The following CPED1 variants were observed in gnomAD, a reference collection of about 807,000 sequenced individuals.
CPED1 encodes the protein cadherin like and PC-esterase domain containing 1, also known as cadherin-like and PC-esterase domain-containing protein 1.
A neutral mutation model predicts 128.2 loss-of-function variants in CPED1; 114 were observed. That is an observed-to-expected ratio of 0.89 (90% CI 0.76 to 1.04). The LOEUF (loss-of-function observed/expected upper bound fraction) is 1.04. Ranked by LOEUF, CPED1 falls within the 50% of genes least tolerant of loss-of-function variation. The pLI is 0.00. For synonymous variants in CPED1, 462 were observed against 426.7 expected, an observed-to-expected ratio of 1.08 and a Z score of -1.02; for missense variants, 1,211 against 1,207.1, an observed-to-expected ratio of 1.00 and a Z score of -0.05.
chr7:121,138,224 G>T (rs1048835428), intron 14 of CPED1, among the ~76,000 whole-genome samples: 1 of 151,968 alleles, frequency 6.6e-6, no homozygotes, highest in Non-Finnish European at 1.5e-5. Flanking sequence ...ATCAAATTCT[G>T]CAGTTAAAAG....
chr7:121,048,260 C>T (rs772451300), intron 4 of CPED1, among the ~76,000 whole-genome samples: 33 of 152,316 alleles, frequency 2.2e-4, no homozygotes, highest in Middle Eastern at 3.4e-3. Flanking sequence ...GTCCCACAGA[C>T]ATATCAAACT....
chr7:121,067,965 G>GT (rs914040402), intron 5 of CPED1, among the ~76,000 whole-genome samples: 33 of 152,134 alleles, frequency 2.2e-4, no homozygotes, highest in African/African-American at 7.7e-4. Context: ...GGGGTTGTTT[G>GT]TTTTTTTCTT....
intron 7 of CPED1, among the ~76,000 whole-genome samples, chr7:121,103,361 G>C (rs886909413): frequency 6.6e-6 from 1 of 152,128 alleles, no homozygotes; most frequent in African/African-American, 2.4e-5. Context: ...TGGAGAAAGT[G>C]ATTGTTTCCT....
intron 18 of CPED1, among the ~76,000 whole-genome samples, chr7:121,245,218 C>A (rs1798498203): frequency 6.6e-6 from 1 of 152,104 alleles, no homozygotes; most frequent in African/African-American, 2.4e-5. Context: ...AGCTGAGGGG[C>A]AGGACAGAAA....
intron 5 of CPED1, among the ~76,000 whole-genome samples, chr7:121,087,564 T>C (rs1240973809): frequency 6.6e-6 from 1 of 152,140 alleles, no homozygotes; most frequent in East Asian, 1.9e-4. Flanking sequence ...TCTCTACTAC[T>C]TACAATTCAA....
intron 5 of CPED1, among the ~76,000 whole-genome samples, chr7:121,096,380 G>T (rs1003137846): frequency 2.0e-5 from 3 of 152,074 alleles, no homozygotes; most frequent in African/African-American, 7.2e-5. Flanking sequence ...TAAAGGCTTT[G>T]TTCTATTTTG....
chr7:121,031,011 A>G (rs1792715140), intron 3 of CPED1, among the ~76,000 whole-genome samples: 1 of 152,220 alleles, frequency 6.6e-6, no homozygotes, highest in African/African-American at 2.4e-5. Flanking sequence ...GGTGGAGTTG[A>G]CGCTTGACCC....
intron 3 of CPED1, among the ~76,000 whole-genome samples, chr7:121,041,507 G>T (rs1443556907): frequency 6.6e-6 from 1 of 152,054 alleles, no homozygotes; most frequent in East Asian, 1.9e-4. Context: ...GTCCTTCCTT[G>T]AGAATAAACA....
chr7:121,295,325 T>A, intron 22 of CPED1, 115 bp from the exon 23 acceptor site: 1 of 1,257,876 alleles, frequency 7.9e-7, no homozygotes. Flanking sequence ...GTCATAGTCA[T>A]GCCCTTTTAG....
At chr7:121,184,464 A>G (rs770511608) in intron 16 of CPED1, among the ~76,000 whole-genome samples, 57 of 152,206 alleles carry the variant, frequency 3.7e-4, no homozygotes, top group Non-Finnish European at 3.5e-4. Context: ...CACCACACCT[A>G]TCAAAAGCCA....
chr7:121,063,445 C>T (rs957094249), intron 4 of CPED1, among the ~76,000 whole-genome samples: 23 of 150,506 alleles, frequency 1.5e-4, no homozygotes, highest in Non-Finnish European at 3.1e-4. Flanking sequence ...AGCTACCACC[C>T]CTGTTTCCAG....
chr7:121,280,145 C>A (rs1002298726), intron 22 of CPED1, among the ~76,000 whole-genome samples: 1 of 152,034 alleles, frequency 6.6e-6, no homozygotes, highest in Non-Finnish European at 1.5e-5. Flanking sequence ...TGTTAACGTC[C>A]AATAGATTCC....
intron 16 of CPED1, among the ~76,000 whole-genome samples, chr7:121,196,498 G>A (rs1402872506): frequency 6.6e-6 from 1 of 152,120 alleles, no homozygotes; most frequent in East Asian, 1.9e-4. Flanking sequence ...CTTAGTTAGA[G>A]ACCATTATAG....
intron 16 of CPED1, among the ~76,000 whole-genome samples, chr7:121,150,759 ATTATTAT>A (rs1563046601): frequency 1.9e-5 from 2 of 106,458 alleles, no homozygotes; most frequent in Non-Finnish European, 4.0e-5. Flanking sequence ...AAACATTATT[ATTATTAT>A]TATTATTATT....
chr7:121,190,170 T>C (rs1315178459), intron 16 of CPED1, among the ~76,000 whole-genome samples: 2 of 151,918 alleles, frequency 1.3e-5, no homozygotes, highest in Admixed American at 6.6e-5. Flanking sequence ...AAAAGCCCAT[T>C]TGATGAGGTG....
chr7:121,254,543 A>G (rs1009814968), intron 18 of CPED1, among the ~76,000 whole-genome samples: 2 of 152,076 alleles, frequency 1.3e-5, no homozygotes, highest in African/African-American at 4.8e-5. Flanking sequence ...AGCAGAAAAA[A>G]ATAAATAACT....
intron 18 of CPED1, among the ~76,000 whole-genome samples, chr7:121,249,051 C>A (rs538909913): frequency 6.6e-6 from 1 of 152,122 alleles, no homozygotes; most frequent in South Asian, 2.1e-4. Flanking sequence ...GTATTAGCAG[C>A]AGAATAGACC....
At chr7:121,153,157 A>G (rs1434801700) in intron 16 of CPED1, among the ~76,000 whole-genome samples, 1 of 152,198 alleles carries the variant, frequency 6.6e-6, no homozygotes, top group African/African-American at 2.4e-5. Flanking sequence ...AAGGATAAAG[A>G]TATTACCTAT....
Position 121,097,709 on chromosome 7 carries a change from TC to T in CPED1, c.629del (p.Pro210GlnfsTer2). 1.2e-6 allele frequency: 2 copies of T among 1,613,568 alleles called. No homozygotes were observed. Among genetic ancestry groups the T allele is most frequent in the South Asian group, 2.2e-5 (2 of 91,016 alleles). On this transcript the variant is annotated frameshift_variant, in exon 6 of 23. Transcript: ENST00000310396. LOFTEE classifies it high-confidence loss of function. ...CTTGAATCTTTTCAGAACTGCAACT[TC>T]CAGTGAGTCCCTCTGTGTGTCTGGA... ...IVRRFPELQL[P>X]VSPSVCLDQG...
Sources: gnomAD v4.1 joint callset for allele counts (sites outside exome capture counted in the v4.1 genomes callset) on GRCh38, gnomAD v4.1.1 for gene constraint, MANE v1.5 for transcripts, NCBI Gene and HGNC (gene_info 2026-07-23, HGNC 2026-07-21) for gene names.